Variants in PARD3 observed in about 807,000 individuals in gnomAD.
The protein encoded by PARD3 is partitioning defective 3 homolog.
Under a neutral mutation model 155.4 loss-of-function variants are expected in PARD3, and 75 were observed. The observed-to-expected ratio is 0.48, with a 90% CI of 0.40 to 0.58. PARD3 has a LOEUF of 0.58. Ranked by LOEUF, PARD3 falls within the 20% of genes least tolerant of loss-of-function variation. PARD3 has a pLI of 0.00. For synonymous variants in PARD3, 576 were observed against 610.5 expected (o/e 0.94, Z 0.83); for missense variants, 1,642 against 1,721.7 (o/e 0.95, Z 0.82).
At chr10:34,543,372 G>A (rs1381330643) in intron 2 of PARD3, among the ~76,000 whole-genome samples, 1 of 152,040 alleles carries the variant, frequency 6.6e-6, no homozygotes, top group African/African-American at 2.4e-5. Context: ...GCTAATAAAT[G>A]AGAAGAGGAC....
At chr10:34,257,657 G>C (rs1229528084) in intron 22 of PARD3, among the ~76,000 whole-genome samples, 1 of 152,178 alleles carries the variant, frequency 6.6e-6, no homozygotes, top group African/African-American at 2.4e-5. Flanking sequence ...GTCTAAAACA[G>C]CTTTCATTTA....
At chr10:34,611,800 TTTC>T (rs2090909889) in intron 2 of PARD3, among the ~76,000 whole-genome samples, 1 of 145,154 alleles carries the variant, frequency 6.9e-6, no homozygotes, top group African/African-American at 2.7e-5. Flanking sequence ...ATGTGATACA[TTTC>T]TTTCTTTTTT....
chr10:34,154,098 A>T (rs992221329), intron 22 of PARD3, among the ~76,000 whole-genome samples: 1 of 152,230 alleles, frequency 6.6e-6, no homozygotes, highest in Admixed American at 6.5e-5. Context: ...ATTAGGAGAT[A>T]AAACTTGTTC....
chr10:34,171,579 T>C (rs962069309), intron 22 of PARD3, among the ~76,000 whole-genome samples: 2 of 152,186 alleles, frequency 1.3e-5, no homozygotes, highest in African/African-American at 4.8e-5. Context: ...ATGGTCCTCC[T>C]ACCCCTCCTG....
At chr10:34,365,926 G>A (rs1469006899) in intron 12 of PARD3, among the ~76,000 whole-genome samples, 1 of 151,984 alleles carries the variant, frequency 6.6e-6, no homozygotes, top group African/African-American at 2.4e-5. Flanking sequence ...CTTTGGCTAG[G>A]CTCACAGACA....
intron 5 of PARD3, among the ~76,000 whole-genome samples, chr10:34,420,391 T>C (rs1258613317): frequency 3.9e-5 from 6 of 152,192 alleles, no homozygotes; most frequent in Admixed American, 2.0e-4. Flanking sequence ...TCAACAACAT[T>C]CAAACTTTTA....
rs1227100064 is a variant in PARD3, at chr10:34,401,834, A to T, written c.798T>A (p.Phe266Leu). The change falls in exon 6 of 25, where the codon TTT becomes TTA. Residue 266 changes from phenylalanine (F) to leucine (L), a missense_variant. Physicochemically the swap from Phe to Leu is conservative, Grantham distance 22 (BLOSUM62 0). Coordinates refer to ENST00000374788, the MANE Select transcript of PARD3 (RefSeq NM_001184785.2). ...ADTGLEHIPN[F>L]SLDDMVKLVE... ...AACCATCAGTAACTTACTCCAGAGA[A>T]AAGTTGGGTATATGCTCCAAACCCG... is the stretch of plus-strand genomic sequence containing the variant. 6.2e-7 allele frequency: 1 copy of T among 1,609,972 alleles called. No homozygotes were observed.
intron 2 of PARD3, among the ~76,000 whole-genome samples, chr10:34,602,965 T>C (rs1454571546): frequency 1.3e-5 from 2 of 152,234 alleles, no homozygotes; most frequent in East Asian, 1.9e-4. Flanking sequence ...AAAGTTATTA[T>C]AGATAGTTAA....
rs2277254 is a variant in PARD3, at chr10:34,131,223, T to C, written c.3540+240A>G. ...GTTGAGAGTGAGAATACTTTTGCTA[T>C]GTCTTGTCATAAGGCTAGTGAAACC... is the stretch of plus-strand genomic sequence containing the variant. On this transcript the variant is annotated intron_variant, in intron 23 of 24. Coordinates refer to ENST00000374788, the MANE Select transcript of PARD3 (RefSeq NM_001184785.2). Among the ~76,000 whole-genome samples the C allele has an allele frequency of 1.6e-4, 24 of 152,346 alleles. 1 individual carries two copies. The East Asian group carries it at 4.6e-3, about 29-fold the overall frequency.
intron 1 of PARD3, among the ~76,000 whole-genome samples, chr10:34,706,238 T>C (rs115062874): frequency 1.6e-3 from 248 of 152,302 alleles, no homozygotes; most frequent in African/African-American, 5.7e-3. Flanking sequence ...AGGAGAGAAC[T>C]GAGACTCAGA....
chr10:34,674,123 C>G (rs2093658045), intron 2 of PARD3, among the ~76,000 whole-genome samples: 1 of 151,176 alleles, frequency 6.6e-6, no homozygotes, highest in Admixed American at 6.6e-5. Flanking sequence ...GTTCTGTACT[C>G]AAAATTATCC....
chr10:34,473,804 C>T (rs1002849179), intron 3 of PARD3, among the ~76,000 whole-genome samples: 5 of 152,226 alleles, frequency 3.3e-5, no homozygotes, highest in African/African-American at 7.2e-5. Context: ...TCTGTATAAA[C>T]TTCCCCTTAA....
intron 22 of PARD3, among the ~76,000 whole-genome samples, chr10:34,242,318 T>C (rs529187206): frequency 6.6e-6 from 1 of 152,276 alleles, no homozygotes; most frequent in East Asian, 1.9e-4. Context: ...TCAGGTGACC[T>C]TGTCCAAGGC....
At chr10:34,797,429 G>A (rs1041839003) in intron 1 of PARD3, among the ~76,000 whole-genome samples, 1 of 152,174 alleles carries the variant, frequency 6.6e-6, no homozygotes, top group African/African-American at 2.4e-5. Flanking sequence ...TGGAATTACA[G>A]GCGTGAGGCA....
intron 1 of PARD3, among the ~76,000 whole-genome samples, chr10:34,811,682 C>CT (rs374581405): frequency 2.6e-5 from 4 of 152,082 alleles, no homozygotes; most frequent in Admixed American, 6.6e-5. Flanking sequence ...CTAGATTATA[C>CT]TTTTTTTTGA....
chr10:34,540,558 C>G (rs868786952), intron 2 of PARD3, among the ~76,000 whole-genome samples: 2 of 152,256 alleles, frequency 1.3e-5, no homozygotes, highest in South Asian at 4.1e-4. Context: ...GCCCGGGAGA[C>G]AGGAGACCAG....
chr10:34,578,440 A>G (rs1377314930), intron 2 of PARD3, among the ~76,000 whole-genome samples: 1 of 152,240 alleles, frequency 6.6e-6, no homozygotes, highest in African/African-American at 2.4e-5. Flanking sequence ...CTTAAATAAG[A>G]AAGTATTCCC....
chr10:34,126,432 T>C (rs1947294569), intron 23 of PARD3, among the ~76,000 whole-genome samples: 1 of 152,246 alleles, frequency 6.6e-6, no homozygotes, highest in Non-Finnish European at 1.5e-5. Context: ...ACTTTGTGTG[T>C]GGGCATTTCT....
chr10:34,347,861 TTAA>T, intron 15 of PARD3, 101 bp downstream of exon 15: 1 of 770,244 alleles, frequency 1.3e-6, no homozygotes, highest in Non-Finnish European at 1.9e-6. Flanking sequence ...TTTATTTACA[TTAA>T]TATTACACTA....
Sources: gnomAD v4.1 joint callset for allele counts (sites outside exome capture counted in the v4.1 genomes callset) on GRCh38, gnomAD v4.1.1 for gene constraint, MANE v1.5 for transcripts, NCBI Gene and HGNC (gene_info 2026-07-23, HGNC 2026-07-21) for gene names.